Variants in NRXN3 observed in about 807,000 individuals in gnomAD.
The protein encoded by NRXN3 is neurexin 3.
In NRXN3, 32 loss-of-function variants were observed where a neutral mutation model predicts 137.6. That is an observed-to-expected ratio of 0.23 (90% confidence interval 0.18 to 0.31). NRXN3 has a LOEUF of 0.31. NRXN3 is among the 10% of genes least tolerant of loss of function. NRXN3 has a pLI of 1.00. For missense variants in NRXN3, 1,574 were observed against 2,062.5 expected, an observed-to-expected ratio of 0.76 and a Z score of 4.59; for synonymous variants, 798 against 784.5, an observed-to-expected ratio of 1.02 and a Z score of -0.29.
At chr14:79,109,434 A>G (rs1376397199) in intron 15 of NRXN3, among the ~76,000 whole-genome samples, 5 of 152,204 alleles carry the variant, frequency 3.3e-5, no homozygotes, top group Admixed American at 6.5e-5. Flanking sequence ...CAAAGGAAAA[A>G]TTTTCAGCAA....
chr14:79,365,054 C>A (rs188220369), intron 15 of NRXN3, among the ~76,000 whole-genome samples: 77 of 152,236 alleles, frequency 5.1e-4, no homozygotes, highest in Non-Finnish European at 1.0e-3. Context: ...TTGGTTTCGT[C>A]TCATAAAATA....
chr14:79,647,536 A>G (rs77177392), intron 16 of NRXN3, among the ~76,000 whole-genome samples: 3,617 of 136,158 alleles, frequency 0.027, 710 homozygotes, highest in East Asian at 0.23. Flanking sequence ...AGCAGTTAAT[A>G]CTTAAGAGTT....
intron 18 of NRXN3, among the ~76,000 whole-genome samples, chr14:79,693,780 G>C (rs974516492): frequency 2.6e-5 from 4 of 151,770 alleles, no homozygotes; most frequent in South Asian, 2.1e-4. Context: ...GGTTGGGATG[G>C]GGGGAGGGGT....
chr14:78,906,450 TC>T (rs2099217001), intron 10 of NRXN3, among the ~76,000 whole-genome samples: 1 of 152,094 alleles, frequency 6.6e-6, no homozygotes, highest in Non-Finnish European at 1.5e-5. Flanking sequence ...AAATATCATC[TC>T]CACCACCAAC....
intron 15 of NRXN3, chr14:79,314,153 C>T (rs2087759845): frequency 6.7e-6 from 1 of 149,202 alleles, no homozygotes; most frequent in Non-Finnish European, 1.5e-5. Flanking sequence ...ATCTGAGGTA[C>T]CGGGTTCATC....
intron 19 of NRXN3, among the ~76,000 whole-genome samples, chr14:79,710,631 C>CATGAGAT (rs2098800014): frequency 6.6e-6 from 1 of 152,142 alleles, no homozygotes; most frequent in Non-Finnish European, 1.5e-5. Flanking sequence ...TTTATGAGGG[C>CATGAGAT]ATGAGATATA....
chr14:79,138,037 T>G (rs2152987561), intron 15 of NRXN3, among the ~76,000 whole-genome samples: 1 of 152,356 alleles, frequency 6.6e-6, no homozygotes, highest in African/African-American at 2.4e-5. Flanking sequence ...AAGAAAATGC[T>G]TTGCTAAGCA....
intron 15 of NRXN3, among the ~76,000 whole-genome samples, chr14:79,359,354 C>G (rs2093603616): frequency 6.6e-6 from 1 of 151,856 alleles, no homozygotes; most frequent in African/African-American, 2.4e-5. Flanking sequence ...GAGTTATTTT[C>G]TGCATAGTTT....
At chr14:79,537,123 T>A (rs113013416) in intron 16 of NRXN3, among the ~76,000 whole-genome samples, 1 of 152,294 alleles carries the variant, frequency 6.6e-6, no homozygotes, top group Non-Finnish European at 1.5e-5. Context: ...TAGCATCTGT[T>A]GTTTCTTGAC....
intron 15 of NRXN3, among the ~76,000 whole-genome samples, chr14:79,364,085 T>C (rs918384073): frequency 1.3e-5 from 2 of 152,228 alleles, no homozygotes; most frequent in Admixed American, 1.3e-4. Flanking sequence ...TGTATGGCTA[T>C]CATTCTTTCT....
intron 16 of NRXN3, among the ~76,000 whole-genome samples, chr14:79,659,096 G>T (rs2098520384): frequency 6.6e-6 from 1 of 152,108 alleles, no homozygotes; most frequent in Non-Finnish European, 1.5e-5. Flanking sequence ...GCTGAAGCTG[G>T]ACTAATTTGG....
At chr14:79,620,588 G>A (rs1441400965) in intron 16 of NRXN3, among the ~76,000 whole-genome samples, 1 of 152,110 alleles carries the variant, frequency 6.6e-6, no homozygotes, top group Admixed American at 6.5e-5. Flanking sequence ...ATAGACCTGG[G>A]AAGAAAGAGA....
At chr14:79,180,419 T>C (rs2062801093) in intron 15 of NRXN3, among the ~76,000 whole-genome samples, 1 of 152,232 alleles carries the variant, frequency 6.6e-6, no homozygotes, top group South Asian at 2.1e-4. Context: ...GTAGGAAATA[T>C]CTGAGCATTT....
At chr14:78,760,250 C>T (rs1035420531) in intron 8 of NRXN3, among the ~76,000 whole-genome samples, 1 of 150,914 alleles carries the variant, frequency 6.6e-6, no homozygotes, top group African/African-American at 2.4e-5. Flanking sequence ...CCATGTTAGT[C>T]AGGCTGGTTT....
At chr14:79,783,103 C>T (rs145951490) in intron 19 of NRXN3, among the ~76,000 whole-genome samples, 181 of 152,320 alleles carry the variant, frequency 1.2e-3, no homozygotes, top group Non-Finnish European at 2.1e-3. Context: ...GCTGTGATAG[C>T]ATAAATGTCC....
chr14:78,417,910 C>T (rs1280164310), intron 4 of NRXN3, among the ~76,000 whole-genome samples: 1 of 152,194 alleles, frequency 6.6e-6, no homozygotes, highest in African/African-American at 2.4e-5. Flanking sequence ...GTGCATGCCA[C>T]CACGCCCAGC....
chr14:78,399,442 G>A (rs972071538), intron 4 of NRXN3, among the ~76,000 whole-genome samples: 1 of 152,176 alleles, frequency 6.6e-6, no homozygotes, highest in Non-Finnish European at 1.5e-5. Flanking sequence ...TATGAGAAAT[G>A]ATGGTCAATT....
chr14:79,459,587 T>C (rs1312399809), intron 15 of NRXN3, among the ~76,000 whole-genome samples: 2 of 152,030 alleles, frequency 1.3e-5, no homozygotes, highest in Non-Finnish European at 2.9e-5. Flanking sequence ...TGAATTTCTG[T>C]TGTTAAAGTT....
At chr14:78,842,555 G>A (rs1289806675) in intron 10 of NRXN3, among the ~76,000 whole-genome samples, 1 of 152,106 alleles carries the variant, frequency 6.6e-6, no homozygotes, top group African/African-American at 2.4e-5. Context: ...TGAAGTTTCA[G>A]GCACGCATTG....
Sources: gnomAD v4.1 joint callset for allele counts (sites outside exome capture counted in the v4.1 genomes callset) on GRCh38, gnomAD v4.1.1 for gene constraint, MANE v1.5 for transcripts, NCBI Gene and HGNC (gene_info 2026-07-23, HGNC 2026-07-21) for gene names.